The following SLC14A2 variants were observed in gnomAD, a reference collection of about 807,000 sequenced individuals.
The protein encoded by SLC14A2 is solute carrier family 14 member 2, also known as urea transporter 2.
A neutral mutation model predicts 104.6 loss-of-function variants in SLC14A2; 91 were observed. The ratio of observed to expected loss-of-function variants is 0.87; its 90% confidence interval spans 0.73 to 1.04. The LOEUF (loss-of-function observed/expected upper bound fraction) is 1.04. Ranked by LOEUF, SLC14A2 falls within the 50% of genes least tolerant of loss-of-function variation. The pLI, the probability that SLC14A2 is intolerant of heterozygous loss-of-function variation, is 0.00. For missense variants in SLC14A2, 1,189 were observed against 1,156.0 expected, an observed-to-expected ratio of 1.03 and a Z score of -0.41; for synonymous variants, 476 against 466.4, an observed-to-expected ratio of 1.02 and a Z score of -0.27.
At chr18:45,637,990 G>A (rs1331362201) in intron 6 of SLC14A2, among the ~76,000 whole-genome samples, 1 of 152,138 alleles carries the variant, frequency 6.6e-6, no homozygotes, top group African/African-American at 2.4e-5. Context: ...ATAGATCCCA[G>A]CGGAGGAAGC....
At position 45,516,079 on chromosome 18, in the gene SLC14A2, C is replaced by A. The variant is rs144071747; in HGVS notation, c.-35+32757C>A. On this transcript the variant is annotated intron_variant, in intron 2 of 20. Coordinates refer to the SLC14A2 transcript ENST00000586448. ...CTCCATACAAAACTTAATCTTTGAA[C>A]TTTTAACTGGAGAGGAGCTCTGCTA... Among the ~76,000 whole-genome samples the A allele has an allele frequency of 8.5e-3, 1,292 of 152,302 alleles. 17 individuals are homozygous for A. Among genetic ancestry groups the A allele is most frequent in the African/African-American group, 0.025 (1,034 of 41,584 alleles).
intron 1 of SLC14A2, among the ~76,000 whole-genome samples, chr18:45,402,353 T>C (rs2086105432): frequency 6.6e-6 from 1 of 152,252 alleles, no homozygotes; most frequent in Non-Finnish European, 1.5e-5. Context: ...AGTTCGCCGA[T>C]AATAGACGTT....
intron 1 of SLC14A2, among the ~76,000 whole-genome samples, chr18:45,429,671 G>C (rs1445148253): frequency 2.0e-5 from 3 of 152,200 alleles, no homozygotes; most frequent in Non-Finnish European, 4.4e-5. Context: ...CACTGATGGA[G>C]TCTAGTCTTT....
At chr18:45,527,771 G>A (rs192616997) in intron 2 of SLC14A2, 1 of 152,292 alleles carries the variant, frequency 6.6e-6, no homozygotes, top group African/African-American at 2.4e-5. Flanking sequence ...ATATTTTTAA[G>A]TGCTTTACAA....
chr18:45,231,271 T>A (rs2084172094), intron 1 of SLC14A2, among the ~76,000 whole-genome samples: 1 of 152,178 alleles, frequency 6.6e-6, no homozygotes, highest in Admixed American at 6.5e-5. Context: ...GATGAAATCA[T>A]AGCTTACTGC....
intron 2 of SLC14A2, chr18:45,528,795 T>C (rs1280917798): frequency 6.6e-6 from 1 of 152,256 alleles, no homozygotes; most frequent in Non-Finnish European, 1.5e-5. Flanking sequence ...CAATTCTTCC[T>C]TTCCCTATGT....
At chr18:45,570,812 C>T (rs574832147) in intron 2 of SLC14A2, among the ~76,000 whole-genome samples, 1 of 152,224 alleles carries the variant, frequency 6.6e-6, no homozygotes, top group Non-Finnish European at 1.5e-5. Context: ...TTTCTACTTT[C>T]AACAAACTCA....
chr18:45,175,216 A>G, the SLC14A2 span, among the ~76,000 whole-genome samples: 2 of 152,168 alleles, frequency 1.3e-5, no homozygotes, highest in Non-Finnish European at 2.9e-5. Flanking sequence ...GACTGGAAAC[A>G]CACCAGAAGT....
chr18:45,360,837 G>T (rs1180830159), intron 1 of SLC14A2, among the ~76,000 whole-genome samples: 1 of 152,154 alleles, frequency 6.6e-6, no homozygotes, highest in African/African-American at 2.4e-5. Context: ...AAAACATCAG[G>T]GCTCTGAAGA....
rs1201044047 is a variant in SLC14A2, at chr18:45,409,863, AG to A, written c.-124-73369del. On this transcript the variant is annotated intron_variant, in intron 1 of 20. Transcript: ENST00000586448. ...TGGAGGGTGGTTTTAGGATGATTCA[AG>A]CACATTACATTTATTGTGTACTTTA... Among the ~76,000 whole-genome samples the A allele has an allele frequency of 3.3e-5, 5 of 152,318 alleles. No individual in the cohort carries two copies. The East Asian group carries it at 9.6e-4, about 29-fold the overall frequency.
At chr18:45,530,578 A>G (rs982796095) in intron 2 of SLC14A2, among the ~76,000 whole-genome samples, 6 of 152,078 alleles carry the variant, frequency 3.9e-5, no homozygotes, top group Non-Finnish European at 5.9e-5. Flanking sequence ...GGAACCATCT[A>G]TGTCTAAATA....
intron 2 of SLC14A2, among the ~76,000 whole-genome samples, chr18:45,514,212 T>A (rs1427195702): frequency 6.6e-6 from 1 of 152,190 alleles, no homozygotes; most frequent in African/African-American, 2.4e-5. Context: ...CCGTACAGGC[T>A]TCTGCTTCTG....
intron 1 of SLC14A2, among the ~76,000 whole-genome samples, chr18:45,393,375 T>C (rs1342922409): frequency 6.6e-6 from 1 of 152,210 alleles, no homozygotes; most frequent in Non-Finnish European, 1.5e-5. Flanking sequence ...GGTTGATTCA[T>C]TCCCTTGATC....
intron 1 of SLC14A2, among the ~76,000 whole-genome samples, chr18:45,239,165 C>T (rs543593386): frequency 7.2e-5 from 11 of 152,136 alleles, no homozygotes; most frequent in Non-Finnish European, 1.6e-4. Context: ...GCGGCTCCTC[C>T]CAGATCCACT....
intron 2 of SLC14A2, among the ~76,000 whole-genome samples, chr18:45,561,800 G>A (rs180697365): frequency 3.9e-5 from 6 of 152,094 alleles, no homozygotes; most frequent in East Asian, 3.9e-4. Context: ...AGTATTTGTC[G>A]ATATGGCACT....
intron 10 of SLC14A2, among the ~76,000 whole-genome samples, chr18:45,648,797 T>G (rs1599118715): frequency 6.6e-6 from 1 of 152,260 alleles, no homozygotes; most frequent in East Asian, 1.9e-4. Flanking sequence ...TTTGCTTTTT[T>G]GTTTTTTCAT....
intron 1 of SLC14A2, among the ~76,000 whole-genome samples, chr18:45,472,239 G>T (rs965540383): frequency 1.3e-5 from 2 of 152,182 alleles, no homozygotes; most frequent in African/African-American, 4.8e-5. Flanking sequence ...GTATTCCGTG[G>T]TGTATTTGTG....
chr18:45,669,662 C>T (rs544178485), intron 16 of SLC14A2, among the ~76,000 whole-genome samples, 164 bp downstream of exon 16: 2 of 152,312 alleles, frequency 1.3e-5, no homozygotes, highest in South Asian at 2.1e-4. Flanking sequence ...TTTTCTACTT[C>T]TGAGAGCAAA....
upstream of SLC14A2, among the ~76,000 whole-genome samples, chr18:45,209,044 AC>A (rs74171324): frequency 3.0e-4 from 45 of 148,340 alleles, no homozygotes; most frequent in African/African-American, 6.1e-4. Context: ...AAAAAAAACA[AC>A]AACAACTGTG....
Sources: gnomAD v4.1 joint callset for allele counts (sites outside exome capture counted in the v4.1 genomes callset) on GRCh38, gnomAD v4.1.1 for gene constraint, MANE v1.5 for transcripts, NCBI Gene and HGNC (gene_info 2026-07-23, HGNC 2026-07-21) for gene names.